Variants in PPP2R2B observed in about 807,000 individuals in gnomAD.
PPP2R2B encodes protein phosphatase 2 regulatory subunit Bbeta.
Under a neutral mutation model 46.0 loss-of-function variants are expected in PPP2R2B, and 5 were observed. The ratio of observed to expected loss-of-function variants is 0.11; its 90% CI spans 0.06 to 0.23. The LOEUF is 0.23. PPP2R2B is among the 10% of genes least tolerant of loss of function. PPP2R2B has a pLI of 1.00. For synonymous variants in PPP2R2B, 215 were observed against 206.7 expected (o/e 1.04, Z -0.34); for missense variants, 367 against 575.0 (o/e 0.64, Z 3.70).
At chr5:146,902,181 C>T (rs1202058341) in intron 1 of PPP2R2B, among the ~76,000 whole-genome samples, 4 of 152,126 alleles carry the variant, frequency 2.6e-5, no homozygotes, top group Non-Finnish European at 5.9e-5. Context: ...CCATTTCTTT[C>T]TATTCCTCTC....
chr5:146,820,045 T>C (rs2151331760), intron 2 of PPP2R2B, among the ~76,000 whole-genome samples: 1 of 152,246 alleles, frequency 6.6e-6, no homozygotes, highest in South Asian at 2.1e-4. Context: ...GAGAGTAGAA[T>C]TGTGGTTACC....
At chr5:146,716,080 G>T (rs759757941) in intron 2 of PPP2R2B, among the ~76,000 whole-genome samples, 2 of 152,060 alleles carry the variant, frequency 1.3e-5, no homozygotes, top group African/African-American at 2.4e-5. Context: ...TCCCTTGTGG[G>T]CAGGATCTTC....
chr5:146,939,159 G>A (rs918009353), intron 1 of PPP2R2B, among the ~76,000 whole-genome samples: 7 of 152,042 alleles, frequency 4.6e-5, no homozygotes, highest in African/African-American at 1.7e-4. Context: ...GGCTCCAGGT[G>A]GTTCCAACTG....
chr5:147,008,131 A>C (rs761055996), intron 1 of PPP2R2B, among the ~76,000 whole-genome samples: 2 of 152,186 alleles, frequency 1.3e-5, no homozygotes, highest in Admixed American at 6.5e-5. Flanking sequence ...TGAGGGACAA[A>C]AATATTTGTA....
chr5:146,625,580 T>C (rs1232255691), intron 7 of PPP2R2B, among the ~76,000 whole-genome samples: 3 of 152,258 alleles, frequency 2.0e-5, no homozygotes, highest in East Asian at 3.9e-4. Flanking sequence ...TAATTAAATG[T>C]ATGGTATTAA....
intron 2 of PPP2R2B, among the ~76,000 whole-genome samples, chr5:146,809,217 G>T (rs1343299878): frequency 6.6e-6 from 1 of 152,062 alleles, no homozygotes; most frequent in Non-Finnish European, 1.5e-5. Context: ...TTTCTGCTTT[G>T]GAAATTAAGG....
At chr5:146,885,525 T>C (rs1302749693) in intron 1 of PPP2R2B, among the ~76,000 whole-genome samples, 1 of 152,254 alleles carries the variant, frequency 6.6e-6, no homozygotes, top group African/African-American at 2.4e-5. Context: ...ACATTGCTTC[T>C]GGGATTGTAT....
rs896933014 is a variant in PPP2R2B, at chr5:147,016,696, C to T, written c.79+38969G>A. ...GGAAAATATTTTCTAGAGAAGATGG[C>T]AGCTGAGCTAAACTACTAGAGATGA... On this transcript the variant is annotated intron_variant, in intron 1 of 8. Coordinates refer to the PPP2R2B transcript ENST00000336640. Among the ~76,000 whole-genome samples the T allele has an allele frequency of 9.2e-5, 14 of 151,634 alleles. No homozygotes were observed. The South Asian group carries it at 2.9e-3, about 32-fold the overall frequency.
chr5:146,858,458 T>C (rs536197949), intron 2 of PPP2R2B, among the ~76,000 whole-genome samples: 45 of 152,286 alleles, frequency 3.0e-4, no homozygotes, highest in African/African-American at 1.1e-3. Flanking sequence ...GTTACTACTA[T>C]TGTCTTAACT....
chr5:146,798,999 C>A (rs1756703714), intron 2 of PPP2R2B, among the ~76,000 whole-genome samples: 1 of 152,138 alleles, frequency 6.6e-6, no homozygotes, highest in African/African-American at 2.4e-5. Flanking sequence ...AAATAGGTGA[C>A]AGATACACTG....
intron 2 of PPP2R2B, among the ~76,000 whole-genome samples, chr5:146,811,348 C>G (rs962601411): frequency 2.6e-5 from 4 of 152,140 alleles, no homozygotes; most frequent in Admixed American, 6.6e-5. Context: ...CTTGGCTCAT[C>G]ACTCCGCTGA....
In PPP2R2B at chr5:146,779,308, C is replaced by T. The variant is rs374187355; in HGVS notation, c.71-78166G>A. Among the ~76,000 whole-genome samples, 10 of 152,282 alleles carry T rather than the reference C, an allele frequency of 6.6e-5. No homozygotes were observed. The South Asian group carries it at 2.1e-3, about 32-fold the overall frequency. Reference sequence around the variant, plus strand: ...TGGATGCTGGAAACGAGACTGTCCACATCTTGTTTCCAGAAAACGGATTAC... The same window carrying T: ...TGGATGCTGGAAACGAGACTGTCCATATCTTGTTTCCAGAAAACGGATTAC... On this transcript the variant is annotated intron_variant, in intron 2 of 9. Transcript: ENST00000394411.
At chr5:146,959,730 G>T (rs1339038421) in intron 1 of PPP2R2B, among the ~76,000 whole-genome samples, 1 of 152,110 alleles carries the variant, frequency 6.6e-6, no homozygotes, top group African/African-American at 2.4e-5. Flanking sequence ...GAGGATGGGA[G>T]AAACAGACAA....
chr5:146,617,122 A>C (rs1328898228), intron 7 of PPP2R2B: 4 of 152,264 alleles, frequency 2.6e-5, no homozygotes. Context: ...AGCCAGGGAC[A>C]GAAAGACAAA....
chr5:146,918,683 G>A (rs1395516005), intron 1 of PPP2R2B, among the ~76,000 whole-genome samples: 1 of 151,914 alleles, frequency 6.6e-6, no homozygotes, highest in Non-Finnish European at 1.5e-5. Context: ...TATACTTTTG[G>A]TTCTTCCTGT....
intron 7 of PPP2R2B, among the ~76,000 whole-genome samples, chr5:146,617,242 G>T (rs1389849650): frequency 6.6e-6 from 1 of 152,134 alleles, no homozygotes; most frequent in East Asian, 1.9e-4. Context: ...GGGGAAGTGG[G>T]TTAATGGTTA....
chr5:146,993,615 T>C (rs1753798612), intron 1 of PPP2R2B, among the ~76,000 whole-genome samples: 2 of 152,186 alleles, frequency 1.3e-5, no homozygotes, highest in African/African-American at 2.4e-5. Flanking sequence ...ACATTGCTAC[T>C]GTGTGATACA....
At chr5:147,051,699 G>T (rs1413843851) in intron 1 of PPP2R2B, among the ~76,000 whole-genome samples, 2 of 147,268 alleles carry the variant, frequency 1.4e-5, no homozygotes, top group Admixed American at 1.4e-4. Flanking sequence ...CCACCAGAAA[G>T]TACCAGGCAA....
chr5:146,712,554 T>G (rs970200598), intron 2 of PPP2R2B, among the ~76,000 whole-genome samples: 2 of 152,192 alleles, frequency 1.3e-5, no homozygotes, highest in East Asian at 3.8e-4. Flanking sequence ...ATGTAGCAGT[T>G]TAGATAACAA....
Sources: allele counts gnomAD v4.1 joint callset (sites outside exome capture counted in the v4.1 genomes callset), GRCh38; gene constraint gnomAD v4.1.1; transcripts MANE v1.5; gene names NCBI Gene and HGNC (gene_info 2026-07-23, HGNC 2026-07-21).